Variants in RNF19A observed in about 807,000 individuals in gnomAD.
RNF19A encodes the protein E3 ubiquitin-protein ligase RNF19A.
In RNF19A, 32 loss-of-function variants were observed where a neutral mutation model predicts 75.7. That is an observed-to-expected ratio of 0.42 (90% CI 0.32 to 0.57). The LOEUF (loss-of-function observed/expected upper bound fraction) is 0.57, where lower values mean the gene tolerates loss of function less well. RNF19A is among the 20% of genes least tolerant of loss of function. The pLI is 0.10. For synonymous variants in RNF19A, 335 were observed against 345.2 expected (o/e 0.97, Z 0.33); for missense variants, 782 against 1,036.3 (o/e 0.75, Z 3.37).
chr8:100,309,453 G>A (rs1394993862), intron 1 of RNF19A: 4 of 985,460 alleles, frequency 4.1e-6, no homozygotes, highest in Non-Finnish European at 4.8e-6. Flanking sequence ...GCCTCCCCGC[G>A]GCAACCGCCC....
At chr8:100,328,169 G>A (rs1822563150) in intron 1 of RNF19A, among the ~76,000 whole-genome samples, 1 of 152,170 alleles carries the variant, frequency 6.6e-6, no homozygotes, top group Non-Finnish European at 1.5e-5. Context: ...AGTCAGGGAA[G>A]ACTCCACCTT....
chr8:100,298,153 C>G (rs182857070), intron 1 of RNF19A, among the ~76,000 whole-genome samples: 2 of 150,032 alleles, frequency 1.3e-5, no homozygotes, highest in African/African-American at 5.0e-5. Flanking sequence ...GTATACTCAT[C>G]TGAGAAGATA....
intron 3 of RNF19A, 74 bp from the exon 4 acceptor site, chr8:100,270,087 G>T: frequency 8.0e-7 from 1 of 1,243,826 alleles, no homozygotes; most frequent in Non-Finnish European, 1.1e-6. Context: ...TTTACCAATT[G>T]TAGCACTGTC....
At chr8:100,304,160 C>T (rs1436012926) in intron 1 of RNF19A, among the ~76,000 whole-genome samples, 1 of 152,016 alleles carries the variant, frequency 6.6e-6, no homozygotes, top group East Asian at 1.9e-4. Flanking sequence ...CAGGGTTTCA[C>T]CATGTTGGCC....
Position 100,317,233 on chromosome 8 carries a change from A to G in RNF19A, c.-242-3861T>C, listed in dbSNP as rs1257220631. Among the ~76,000 whole-genome samples the G allele has an allele frequency of 6.6e-6, 1 of 151,494 alleles. No homozygotes were observed. The highest frequency in any genetic ancestry group is 2.4e-5 in the African/African-American group (1 of 41,320). The stretch of plus-strand genomic sequence containing the variant: ...TTGGCCAGCCCAGAAAGGGGCTCTC[A>G]CAGTGCAGTGGTGGGCTGAAGGGCT... On this transcript the variant is annotated intron_variant, in intron 1 of 3. Transcript: ENST00000519527. This position sits in a 1 kb window ranked among gnomAD's most constrained non-coding sequence, Gnocchi z 4.3.
chr8:100,295,970 T>C (rs1359668597), intron 1 of RNF19A, among the ~76,000 whole-genome samples: 1 of 152,270 alleles, frequency 6.6e-6, no homozygotes, highest in Non-Finnish European at 1.5e-5. Flanking sequence ...TATGCTTACT[T>C]ATAAGACTTG....
At chr8:100,303,868 C>T (rs1380992860) in intron 1 of RNF19A, among the ~76,000 whole-genome samples, 3 of 151,560 alleles carry the variant, frequency 2.0e-5, no homozygotes, top group African/African-American at 7.3e-5. Flanking sequence ...GCCTGGGAGG[C>T]GGAGGGTGCA....
chr8:100,319,528 C>CTTT (rs774604135), intron 1 of RNF19A, among the ~76,000 whole-genome samples: 23 of 121,972 alleles, frequency 1.9e-4, no homozygotes, highest in East Asian at 2.4e-4. Flanking sequence ...ATCTGGTTCA[C>CTTT]TTTTTTTTTT....
chr8:100,308,961 TTC>T (rs949724812), intron 1 of RNF19A, among the ~76,000 whole-genome samples: 7 of 152,192 alleles, frequency 4.6e-5, no homozygotes, highest in African/African-American at 1.7e-4. Context: ...AATTAAACGT[TTC>T]TCTCTCCCAT....
At position 100,324,824 on chromosome 8, in the gene RNF19A, C is replaced by G. The variant is rs1822507975; in HGVS notation, c.-243+11284G>C. Among the ~76,000 whole-genome samples the G allele has an allele frequency of 6.8e-6, 1 of 147,902 alleles. No individual in the cohort carries two copies. Among genetic ancestry groups the G allele is most frequent in the Non-Finnish European group, 1.5e-5 (1 of 65,450 alleles). The stretch of plus-strand genomic sequence containing the variant: ...TCTCTTTCTTCTTCCTTCCTTCCTT[C>G]CTTCCTCCTTCTTCCTCCCTCCCTC... On this transcript the variant is annotated intron_variant, in intron 1 of 3. Transcript: ENST00000519527. The surrounding 1 kb of genome is among the most constrained non-coding windows in gnomAD (Gnocchi z 4.2).
chr8:100,321,482 T>A (rs1404872785), intron 1 of RNF19A, among the ~76,000 whole-genome samples: 1 of 152,250 alleles, frequency 6.6e-6, no homozygotes, highest in Non-Finnish European at 1.5e-5. Flanking sequence ...TTCTACCACA[T>A]CTGTGGTTCC....
chr8:100,330,857 C>T lies in RNF19A; in HGVS notation c.-243+5251G>A, dbSNP rs939662384. Among the ~76,000 whole-genome samples the T allele has an allele frequency of 1.3e-5, 2 of 152,236 alleles. No individual in the cohort carries two copies. Among genetic ancestry groups the T allele is most frequent in the African/African-American group, 4.8e-5 (2 of 41,458 alleles). On this transcript the variant is annotated intron_variant, in intron 1 of 3. Coordinates refer to the RNF19A transcript ENST00000519527. This position sits in a 1 kb window ranked among gnomAD's most constrained non-coding sequence, Gnocchi z 4.1. ...TCTCCAACTTCATCTCTCTCCACAA[C>T]CCTCTTGAGACTCTTGCTGTGTATA...
At chr8:100,289,169 T>A (rs1464340347) in intron 1 of RNF19A, among the ~76,000 whole-genome samples, 1 of 151,946 alleles carries the variant, frequency 6.6e-6, no homozygotes, top group African/African-American at 2.4e-5. Flanking sequence ...AAAAATACTA[T>A]GTCTACTGGT....
intron 2 of RNF19A, among the ~76,000 whole-genome samples, chr8:100,276,902 G>A (rs1317156294): frequency 6.6e-6 from 1 of 151,876 alleles, no homozygotes; most frequent in East Asian, 1.9e-4. Flanking sequence ...GAGTGAGATT[G>A]GTAGATTGTG....
Position 100,322,423 on chromosome 8 carries a change from T to C in RNF19A, c.-242-9051A>G, listed in dbSNP as rs1418234240. On this transcript the variant is annotated intron_variant, in intron 1 of 3. Coordinates refer to the RNF19A transcript ENST00000519527. The surrounding 1 kb of genome is among the most constrained non-coding windows in gnomAD (Gnocchi z 5.1). ...AAGCTTCCTTACCTCTCAGCTTTCA[T>C]AAAATTGAAGGGAGTTAGGGCCTTG... Among the ~76,000 whole-genome samples, 1 of 152,254 alleles carries C rather than the reference T, an allele frequency of 6.6e-6. No individual in the cohort carries two copies. The highest frequency in any genetic ancestry group is 1.5e-5 in the Non-Finnish European group (1 of 68,040).
At chr8:100,310,177 A>C (rs1406665355), upstream of RNF19A, 74 of 981,306 alleles carry the variant, frequency 7.5e-5, no homozygotes, top group Non-Finnish European at 8.6e-5. Flanking sequence ...GCCCCGCCCC[A>C]GCGCGCCGCC....
chr8:100,296,100 C>CT (rs1162579638), intron 1 of RNF19A, among the ~76,000 whole-genome samples: 1 of 151,842 alleles, frequency 6.6e-6, no homozygotes, highest in Non-Finnish European at 1.5e-5. Context: ...TCTTTTTTTT[C>CT]TTTTTTTCCT....
Position 100,323,888 on chromosome 8 carries a change from C to T in RNF19A, c.-242-10516G>A, listed in dbSNP as rs935750811. On this transcript the variant is annotated intron_variant, in intron 1 of 3. Coordinates refer to the RNF19A transcript ENST00000519527. The surrounding 1 kb of genome is among the most constrained non-coding windows in gnomAD (Gnocchi z 4.6). ...TGTGCCAAACCAACATTCCTGTCAA[C>T]GATCAAAGAAAGTAAGATTTTTAAA... Among the ~76,000 whole-genome samples the T allele has an allele frequency of 3.9e-5, 6 of 151,970 alleles. No individual in the cohort carries two copies. The highest frequency in any genetic ancestry group is 6.6e-5 in the Admixed American group (1 of 15,240).
Position 100,287,422 on chromosome 8 carries a change from T to C in RNF19A, c.674+79A>G. ...ATGAATTCTCCAGCATGTAAAAATT[T>C]TTCTTTTGAGTAATAGCAAATTATT... On this transcript the variant is annotated intron_variant, in intron 2 of 9. Coordinates refer to ENST00000341084, the MANE Select transcript of RNF19A (RefSeq NM_183419.4). The surrounding 1 kb of genome is among the most constrained non-coding windows in gnomAD (Gnocchi z 4.1). 1 of 1,382,604 alleles carries C rather than the reference T, an allele frequency of 7.2e-7. No individual in the cohort carries two copies. The highest frequency in any genetic ancestry group is 1.5e-5 in the African/African-American group (1 of 68,750). The allele number at this position is 1,382,604 out of a possible 1,614,324, so 85.6% of individuals were successfully genotyped here.
Sources: allele counts gnomAD v4.1 joint callset (sites outside exome capture counted in the v4.1 genomes callset), GRCh38; gene constraint gnomAD v4.1.1; non-coding constraint Gnocchi (gnomAD v3.1); transcripts MANE v1.5; gene names NCBI Gene and HGNC (gene_info 2026-07-23, HGNC 2026-07-21).